The following CROCC variants were observed in gnomAD, a reference collection of about 807,000 sequenced individuals.
CROCC encodes the protein ciliary rootlet coiled-coil, rootletin, also known as rootletin.
CROCC carries 180 observed loss-of-function variants against 245.2 expected under a neutral mutation model. The ratio of observed to expected loss-of-function variants is 0.73; its 90% CI spans 0.65 to 0.83. The LOEUF is 0.83. Among genes scored for constraint, CROCC ranks in the 40% least tolerant of loss-of-function variants. The probability of loss-of-function intolerance (pLI) is 0.00; values close to 1 mark genes in which losing one functional copy is unlikely to be tolerated. For missense variants in CROCC, 2,688 were observed against 2,779.4 expected (o/e 0.97, Z 0.74); for synonymous variants, 1,205 against 1,241.6 (o/e 0.97, Z 0.62).
rs1313094235 is a variant in CROCC at position 16,940,095 on chromosome 1, T to G, written c.1808+2T>G. 1 of 1,598,836 alleles carries G rather than the reference T, an allele frequency of 6.3e-7. No homozygotes were observed. Among genetic ancestry groups the G allele is most frequent in the African/African-American group, 1.3e-5 (1 of 74,804 alleles). On this transcript the variant is annotated splice_donor_variant, in intron 13 of 36. Coordinates refer to ENST00000375541, the MANE Select transcript of CROCC (RefSeq NM_014675.5). LOFTEE classifies it high-confidence loss of function. Reference sequence around the variant, plus strand: ...GAGCGCCAACGAGCTCCTGAGCAGGTGCCGGGGAGGTCTGAGCTGGGGGGT... The same window carrying G: ...GAGCGCCAACGAGCTCCTGAGCAGGGGCCGGGGAGGTCTGAGCTGGGGGGT...
chr1:16,929,067 T>A (rs1482459684), intron 3 of CROCC, among the ~76,000 whole-genome samples: 12 of 152,358 alleles, frequency 7.9e-5, no homozygotes, highest in African/African-American at 2.6e-4. Context: ...CTTCAAGTGA[T>A]CTACCCGCCT....
chr1:16,940,836 C>T, intron 13 of CROCC: 1 of 386,040 alleles, frequency 2.6e-6, no homozygotes, highest in South Asian at 1.9e-5. Context: ...AAGCGATCCT[C>T]CCACCTCTAC....
intron 26 of CROCC, 59 bp downstream of exon 26, chr1:16,958,809 GGCA>G: frequency 1.3e-6 from 2 of 1,524,802 alleles, no homozygotes; most frequent in South Asian, 2.5e-5. Flanking sequence ...GAAGCAGGTG[GGCA>G]CCCCAATGCT....
intron 3 of CROCC, among the ~76,000 whole-genome samples, chr1:16,925,520 G>T (rs1007949685): frequency 6.6e-6 from 1 of 152,282 alleles, no homozygotes; most frequent in African/African-American, 2.4e-5. Flanking sequence ...CTGTGTATGG[G>T]AAGAGACACT....
At chr1:16,937,905 T>A (rs1349682960) in intron 10 of CROCC, among the ~76,000 whole-genome samples, 168 bp downstream of exon 10, 4 of 152,276 alleles carry the variant, frequency 2.6e-5, no homozygotes, top group Non-Finnish European at 5.9e-5. Flanking sequence ...CTCACCTCCA[T>A]CCCATTTCTT....
At chr1:16,916,842 G>A (rs1390358210) in intron 1 of CROCC, among the ~76,000 whole-genome samples, 2 of 152,298 alleles carry the variant, frequency 1.3e-5, no homozygotes, top group African/African-American at 4.8e-5. Flanking sequence ...TCTGGGCTGG[G>A]CGCAGTGGCT....
At chr1:16,933,588 A>G (rs1465167524) in intron 8 of CROCC, among the ~76,000 whole-genome samples, 2 of 151,824 alleles carry the variant, frequency 1.3e-5, no homozygotes, top group African/African-American at 2.4e-5. Context: ...TTTTTTTGAG[A>G]TGGAGTCTTG....
chr1:16,936,990 C>T (rs1282648228), intron 9 of CROCC, 117 bp downstream of exon 9: 5 of 1,096,734 alleles, frequency 4.6e-6, no homozygotes, highest in Non-Finnish European at 6.7e-6. Context: ...GTGAGCTCAG[C>T]CAGTCTTCCC....
intron 3 of CROCC, among the ~76,000 whole-genome samples, chr1:16,929,259 T>C (rs1221413968): frequency 2.0e-5 from 3 of 152,296 alleles, no homozygotes; most frequent in African/African-American, 7.2e-5. Flanking sequence ...GTATGTGTTA[T>C]GTGTGTGCAT....
Position 16,924,482 on chromosome 1 carries a change from G to A in CROCC, c.351+3G>A. 2.5e-6 allele frequency: 4 copies of A among 1,611,064 alleles called. No homozygotes were observed. Among genetic ancestry groups the A allele is most frequent in the Non-Finnish European group, 3.4e-6 (4 of 1,178,028 alleles). On this transcript the variant is annotated splice_donor_region_variant and intron_variant, in intron 3 of 36. Transcript: ENST00000375541. Reference sequence around the variant, plus strand: ...AGTACAATGCGGTCAGCGAGAGGGTGGGTGCCGCCCAGGTGGTGGACTAGG... The same window carrying A: ...AGTACAATGCGGTCAGCGAGAGGGTAGGTGCCGCCCAGGTGGTGGACTAGG...
chr1:16,954,894 C>A lies in CROCC; in HGVS notation c.3465+17C>A. 1 of 1,512,302 alleles carries A rather than the reference C, an allele frequency of 6.6e-7. No individual in the cohort carries two copies. The highest frequency in any genetic ancestry group is 8.9e-7 in the Non-Finnish European group (1 of 1,120,914). 93.7% of individuals were successfully genotyped at this position (1,512,302 alleles called of 1,614,324 possible). A position where few individuals can be genotyped will look rare whatever the true frequency, so the allele number is the denominator to read the frequency against. ...CTTCGCGAGGTGAGCAGCCGCCCCC[C>A]TCTTCCAAGCAGCATACCCTAAATG... On this transcript the variant is annotated intron_variant, in intron 23 of 36. Coordinates refer to ENST00000375541, the MANE Select transcript of CROCC (RefSeq NM_014675.5). The surrounding 1 kb of genome is among the most constrained non-coding windows in gnomAD (Gnocchi z 4.4).
chr1:16,943,874 A>G (rs1447770363), intron 13 of CROCC, among the ~76,000 whole-genome samples: 1 of 152,294 alleles, frequency 6.6e-6, no homozygotes, highest in Non-Finnish European at 1.5e-5. Flanking sequence ...CAGCACCTCC[A>G]TCCACTCCAA....
At chr1:16,918,541 A>G (rs1192156342), upstream of CROCC, among the ~76,000 whole-genome samples, 3 of 152,212 alleles carry the variant, frequency 2.0e-5, no homozygotes, top group Non-Finnish European at 4.4e-5. Flanking sequence ...CCTCAAGGAC[A>G]TCTGGGGCCC....
rs928749736 is a variant in CROCC at position 16,966,536 on chromosome 1, C to G, written c.4825C>G (p.Leu1609Val). 1 of 1,501,970 alleles carries G rather than the reference C, an allele frequency of 6.7e-7. No individual in the cohort carries two copies. Among genetic ancestry groups the G allele is most frequent in the Non-Finnish European group, 8.9e-7 (1 of 1,128,408 alleles). The allele number at this position is 1,501,970 out of a possible 1,614,324, so 93.0% of individuals were successfully genotyped here. A position where few individuals can be genotyped will look rare whatever the true frequency, so the allele number is the denominator to read the frequency against. The change falls in exon 30 of 37, where the codon CTG (leucine) becomes GTG (valine). Residue 1609 changes from leucine (L) to valine (V), a missense_variant. Around this residue, in one of 9 missense-constraint regions of CROCC, gnomAD observed 1,218 missense variants for 1,286.3 expected, o/e 0.95. Transcript: ENST00000375541. This position sits in a 1 kb window ranked among gnomAD's most constrained non-coding sequence, Gnocchi z 4.8. ...CCAGGTGGCCACACTGGAGAGGAGC[C>G]TGCAGGCCACCGAGAGCGAGCTCCG... ...LDQVATLERS[L>V]QATESELRAS... is the part of the protein sequence containing the mutation.
At chr1:16,925,473 A>C (rs2075513885) in intron 3 of CROCC, among the ~76,000 whole-genome samples, 1 of 152,280 alleles carries the variant, frequency 6.6e-6, no homozygotes, top group Non-Finnish European at 1.5e-5. Context: ...TTTCTAAACT[A>C]ACCCAGTCTA....
rs1383009406 is a variant in CROCC at position 16,940,064 on chromosome 1, G to A, written c.1779G>A (p.Arg593=). The A allele has an allele frequency of 6.2e-7, 1 of 1,607,988 alleles. No individual in the cohort carries two copies. The highest frequency in any genetic ancestry group is 8.5e-7 in the Non-Finnish European group (1 of 1,178,454). Residue 593 remains arginine, a synonymous_variant, in exon 13 of 37, where the codon CGG becomes CGA. Coordinates refer to ENST00000375541, the MANE Select transcript of CROCC (RefSeq NM_014675.5). The part of the protein sequence containing the change: ...AHEDAQREVQ[R]LRSANELLSR... ...AGGACGCCCAGCGCGAGGTGCAGCG[G>A]CTGCGGAGCGCCAACGAGCTCCTGA...
Position 16,970,358 on chromosome 1 carries a change from G to A in CROCC, c.5557G>A (p.Ala1853Thr), listed in dbSNP as rs371206006. 112 of 1,596,660 alleles carry A rather than the reference G, an allele frequency of 7.0e-5. No homozygotes were observed. The African/African-American group carries it at 1.3e-3, about 19-fold the overall frequency. ...LQERLGSLQRALAQLEAEKRE... is the reference protein window; with the variant it reads ...LQERLGSLQRTLAQLEAEKRE... ...GGAGCGCCTGGGAAGCCTGCAGCGC[G>A]CCCTGGCTCAGCTGGAAGCTGAGAA... Residue 1853 changes from alanine (A) to threonine (T), a missense_variant, in exon 34 of 37, where the codon GCC becomes ACC. Coordinates refer to ENST00000375541, the MANE Select transcript of CROCC (RefSeq NM_014675.5).
chr1:16,938,961 C>T lies in CROCC; in HGVS notation c.1427C>T (p.Thr476Ile), dbSNP rs748250262. Residue 476 changes from threonine (T) to isoleucine (I), a missense_variant, in exon 12 of 37, where the codon ACC becomes ATC. Physicochemically the swap from Thr to Ile is moderately conservative, Grantham distance 89 (BLOSUM62 -1). This residue lies in a region of CROCC where 972 missense variants were observed against 895.3 expected (regional missense o/e 1.09). Transcript: ENST00000375541. ...SGVQLSGSER[T>I]ADASNGSLRG... Reference sequence around the variant, plus strand: ...GTCCAGCTGAGCGGCTCTGAGCGCACCGCGGATGCTTCCAACGGCAGCCTG... The same window carrying T: ...GTCCAGCTGAGCGGCTCTGAGCGCATCGCGGATGCTTCCAACGGCAGCCTG... 5 of 1,605,166 alleles carry T rather than the reference C, an allele frequency of 3.1e-6. No homozygotes were observed. Among genetic ancestry groups the T allele is most frequent in the Admixed American group, 3.5e-5 (2 of 57,530 alleles).
intron 25 of CROCC, among the ~76,000 whole-genome samples, chr1:16,957,077 G>A (rs1463796797): frequency 1.3e-5 from 2 of 152,162 alleles, no homozygotes; most frequent in Non-Finnish European, 2.9e-5. Context: ...TTCGAGACCA[G>A]CCTGGGTAAC....
Sources: allele counts gnomAD v4.1 joint callset (sites outside exome capture counted in the v4.1 genomes callset), GRCh38; gene constraint gnomAD v4.1.1; regional missense constraint gnomAD v4.1.1; non-coding constraint Gnocchi (gnomAD v3.1); transcripts MANE v1.5; gene names NCBI Gene and HGNC (gene_info 2026-07-23, HGNC 2026-07-21).